The following P3H2 variants were observed in gnomAD, a reference collection of about 807,000 sequenced individuals.
P3H2 encodes leprecan-like 1.
A neutral mutation model predicts 87.0 loss-of-function variants in P3H2; 80 were observed. The observed-to-expected ratio is 0.92, with a 90% CI of 0.77 to 1.11. The LOEUF (loss-of-function observed/expected upper bound fraction) is 1.11, where lower values mean the gene tolerates loss of function less well. P3H2 is among the 50% of genes least tolerant of loss of function. The pLI, the probability that P3H2 is intolerant of heterozygous loss-of-function variation, is 0.00. For synonymous variants in P3H2, 367 were observed against 359.3 expected, an observed-to-expected ratio of 1.02 and a Z score of -0.24; for missense variants, 1,001 against 923.9, an observed-to-expected ratio of 1.08 and a Z score of -1.08.
At chr3:189,969,263 C>G in intron 13 of P3H2, 1 of 845,038 alleles carries the variant, frequency 1.2e-6, no homozygotes, top group African/African-American at 1.7e-5. Context: ...GTGAGAACCA[C>G]CTCTGGAACT....
At position 190,090,815 on chromosome 3, in the gene P3H2, T is replaced by C. The variant is rs540243965; in HGVS notation, c.480+29437A>G. ...AGTCTTTATACACATTATTCCTTTT[T>C]CTTGGAGAGCCCCACCCCATTTCCT... On this transcript the variant is annotated intron_variant, in intron 1 of 14. Transcript: ENST00000319332. Among the ~76,000 whole-genome samples, 5 of 152,322 alleles carry C rather than the reference T, an allele frequency of 3.3e-5. No individual in the cohort carries two copies. The South Asian group carries it at 1.0e-3, about 32-fold the overall frequency.
At chr3:190,001,829 G>A (rs752905525) in intron 1 of P3H2, among the ~76,000 whole-genome samples, 15 of 152,146 alleles carry the variant, frequency 9.9e-5, no homozygotes, top group Admixed American at 3.3e-4. Context: ...AAATTTACTC[G>A]AATTTTTGCC....
intron 1 of P3H2, among the ~76,000 whole-genome samples, chr3:190,057,063 G>A (rs1012785843): frequency 5.9e-5 from 9 of 152,184 alleles, no homozygotes; most frequent in Non-Finnish European, 1.2e-4. Flanking sequence ...GGGAAGTGGG[G>A]AACTGGAGCA....
intron 3 of P3H2, among the ~76,000 whole-genome samples, chr3:189,991,174 T>C (rs778534531): frequency 1.2e-4 from 18 of 152,158 alleles, no homozygotes; most frequent in Non-Finnish European, 1.9e-4. Flanking sequence ...ATTCCAAAAA[T>C]TTAGGCAACT....
At chr3:190,067,764 T>A (rs73053179) in intron 1 of P3H2, among the ~76,000 whole-genome samples, 23,738 of 152,130 alleles carry the variant, frequency 0.16, 2,683 homozygotes, top group African/African-American at 0.32. Flanking sequence ...ATATTTTCTT[T>A]ATTCTTAAGT....
At chr3:190,004,987 A>C (rs1172022371) in intron 1 of P3H2, among the ~76,000 whole-genome samples, 1 of 152,198 alleles carries the variant, frequency 6.6e-6, no homozygotes, top group Non-Finnish European at 1.5e-5. Context: ...TGTCACAATC[A>C]TTTGAATTTG....
At chr3:190,006,606 A>G (rs536231567) in intron 1 of P3H2, among the ~76,000 whole-genome samples, 2 of 152,336 alleles carry the variant, frequency 1.3e-5, no homozygotes, top group African/African-American at 4.8e-5. Flanking sequence ...CTGGGAATTT[A>G]CAAGCTTTTA....
In P3H2 at chr3:189,985,440, C is replaced by T. The variant is rs114766849; in HGVS notation, c.1189-850G>A. Among the ~76,000 whole-genome samples, 873 of 151,476 alleles carry T rather than the reference C, an allele frequency of 5.8e-3. 4 individuals carry two copies. The highest frequency in any genetic ancestry group is 0.02 in the African/African-American group (811 of 41,420). On this transcript the variant is annotated intron_variant, in intron 6 of 14. Transcript: ENST00000319332. ...CTGATAAATTTGTGGTAAAATGGTACTTTTATGCATTACTAGGATTCAAAT... is the reference window on the plus strand; with the variant it reads ...CTGATAAATTTGTGGTAAAATGGTATTTTTATGCATTACTAGGATTCAAAT...
At chr3:190,095,337 TA>T (rs1228314732) in intron 1 of P3H2, among the ~76,000 whole-genome samples, 2 of 128,572 alleles carry the variant, frequency 1.6e-5, no homozygotes, top group Non-Finnish European at 3.4e-5. Flanking sequence ...TATATATATA[TA>T]TATATATATA....
At chr3:190,015,574 T>C (rs551854278) in intron 1 of P3H2, among the ~76,000 whole-genome samples, 66 of 152,264 alleles carry the variant, frequency 4.3e-4, no homozygotes, top group African/African-American at 1.6e-3. Context: ...CCCTCAATCA[T>C]CTTCTTTCGA....
intron 1 of P3H2, among the ~76,000 whole-genome samples, chr3:190,080,638 G>A (rs1468497054): frequency 1.3e-5 from 2 of 152,082 alleles, no homozygotes; most frequent in Non-Finnish European, 2.9e-5. Context: ...CCGACCTCAG[G>A]TGATCCTCCT....
chr3:190,108,334 C>A (rs2108520732), intron 1 of P3H2, among the ~76,000 whole-genome samples: 1 of 152,186 alleles, frequency 6.6e-6, no homozygotes, highest in South Asian at 2.1e-4. Context: ...ACAGTCCTGG[C>A]CTTTACCTGT....
intron 1 of P3H2, among the ~76,000 whole-genome samples, chr3:190,017,322 T>C (rs1724787560): frequency 6.6e-6 from 1 of 151,932 alleles, no homozygotes; most frequent in Non-Finnish European, 1.5e-5. Flanking sequence ...CCTCAGCTGC[T>C]CTCTCAGGGA....
chr3:189,981,363 A>G (rs757130980), intron 8 of P3H2, among the ~76,000 whole-genome samples: 2 of 152,188 alleles, frequency 1.3e-5, no homozygotes, highest in African/African-American at 4.8e-5. Flanking sequence ...TCAGAACTGA[A>G]TTGGATTAGT....
intron 1 of P3H2, among the ~76,000 whole-genome samples, chr3:190,013,647 A>G (rs891956922): frequency 5.9e-5 from 9 of 152,172 alleles, no homozygotes; most frequent in African/African-American, 1.7e-4. Flanking sequence ...CCTTGTAAAT[A>G]TTTTCCCTTA....
At chr3:189,982,755 C>T (rs570957724) in intron 8 of P3H2, among the ~76,000 whole-genome samples, 127 of 152,280 alleles carry the variant, frequency 8.3e-4, no homozygotes, top group Middle Eastern at 3.4e-3. Context: ...TGCTAAGCCT[C>T]CGGTATTCTG....
At chr3:190,070,987 C>G (rs1248390123) in intron 1 of P3H2, among the ~76,000 whole-genome samples, 1 of 152,190 alleles carries the variant, frequency 6.6e-6, no homozygotes, top group African/African-American at 2.4e-5. Context: ...TTTATTAGAA[C>G]AATTTTAATG....
rs1230747908 is a variant in P3H2 at position 189,969,851 on chromosome 3, C to T, written c.1893+965G>A. The T allele has an allele frequency of 2.5e-5, 36 of 1,449,532 alleles. No homozygotes were observed. In the East Asian group the frequency reaches 7.7e-4, roughly 31 times the overall value. 89.8% of individuals were successfully genotyped at this position (1,449,532 alleles called of 1,614,324 possible). On this transcript the variant is annotated intron_variant, in intron 13 of 14. Transcript: ENST00000319332. Reference sequence around the variant, plus strand: ...AATCTTCATGGCAGTGGTGGTGGTGCTTGAGGCCATGTCCGCACAGGAAAG... The same window carrying T: ...AATCTTCATGGCAGTGGTGGTGGTGTTTGAGGCCATGTCCGCACAGGAAAG...
chr3:189,969,686 G>T, intron 13 of P3H2: 1 of 1,300,462 alleles, frequency 7.7e-7, no homozygotes, highest in South Asian at 1.2e-5. Flanking sequence ...CCCATGCCTT[G>T]CAAGGAGGAC....
Sources: allele counts gnomAD v4.1 joint callset (sites outside exome capture counted in the v4.1 genomes callset), GRCh38; gene constraint gnomAD v4.1.1; transcripts MANE v1.5; gene names NCBI Gene and HGNC (gene_info 2026-07-23, HGNC 2026-07-21).